ZNF141: variants seen among roughly 807,000 people sequenced by gnomAD.
ZNF141 encodes zinc finger protein 141 (clone pHZ-44).
ZNF141 carries 7 observed loss-of-function variants against 11.3 expected under a neutral mutation model. The observed-to-expected ratio is 0.62, with a 90% CI of 0.35 to 1.16. ZNF141 has a LOEUF of 1.16. Among genes scored for constraint, ZNF141 ranks in the 50% most tolerant of loss-of-function variants. The pLI, the probability that ZNF141 is intolerant of heterozygous loss-of-function variation, is 0.02. For synonymous variants in ZNF141, 183 were observed against 190.7 expected (o/e 0.96, Z 0.33); for missense variants, 535 against 554.0 (o/e 0.97, Z 0.34).
At chr4:369,764 A>ATGTTTTTTTTT in intron 3 of ZNF141, among the ~76,000 whole-genome samples, 2 of 48,738 alleles carry the variant, frequency 4.1e-5, no homozygotes, top group Non-Finnish European at 6.2e-5. Flanking sequence ...ATATATATAT[A>ATGTTTTTTTTT]TTTTTTTTTT....
intron 3 of ZNF141, among the ~76,000 whole-genome samples, chr4:365,447 C>T (rs988972080): frequency 1.3e-5 from 2 of 152,148 alleles, no homozygotes; most frequent in Non-Finnish European, 2.9e-5. Flanking sequence ...AAACCAGAGC[C>T]GTTCCTATTC....
intron 1 of ZNF141, chr4:343,015 CCTT>C: frequency 1.5e-6 from 1 of 662,342 alleles, no homozygotes; most frequent in Non-Finnish European, 2.2e-6. Flanking sequence ...TAAAAAAGTT[CCTT>C]GCATGATTAA....
intron 3 of ZNF141, among the ~76,000 whole-genome samples, chr4:355,336 G>C (rs782344832): frequency 2.0e-5 from 3 of 152,006 alleles, no homozygotes; most frequent in Non-Finnish European, 4.4e-5. Flanking sequence ...CTCCCTAGTA[G>C]CTGGGATTAC....
chr4:373,925 C>A lies in ZNF141; in HGVS notation c.*63C>A. On this transcript the variant is annotated 3_prime_UTR_variant, in exon 4 of 4. Transcript: ENST00000240499. The stretch of plus-strand genomic sequence containing the variant: ...TGGATGATCCACAAACCTTAATGAA[C>A]ATGAGAAAATTTATACTGTAGAGAA... 1 of 1,412,218 alleles carries A rather than the reference C, an allele frequency of 7.1e-7. No individual in the cohort carries two copies. The highest frequency in any genetic ancestry group is 9.7e-7 in the Non-Finnish European group (1 of 1,032,812). 87.5% of individuals were successfully genotyped at this position (1,412,218 alleles called of 1,614,324 possible). A position where few individuals can be genotyped will look rare whatever the true frequency, so the allele number is the denominator to read the frequency against.
rs117022595 is a variant in ZNF141 at position 379,161 on chromosome 4, C to G, written c.*5299C>G. Among the ~76,000 whole-genome samples the G allele has an allele frequency of 7.3e-3, 1,111 of 152,098 alleles. 11 individuals are homozygous for G. Among genetic ancestry groups the G allele is most frequent in the Middle Eastern group, 0.072 (21 of 292 alleles). The stretch of plus-strand genomic sequence containing the variant: ...CCCAGCCTCTCAGTGATTTTTGATG[C>G]AAATTCATTTACTGTGTTCACGAAG... On this transcript the variant is annotated 3_prime_UTR_variant, in exon 4 of 4. Coordinates refer to ENST00000240499, the MANE Select transcript of ZNF141 (RefSeq NM_003441.4).
In ZNF141 at chr4:365,892, G is replaced by C. The variant is rs568004368; in HGVS notation, c.227-6772G>C. 6.6e-5 allele frequency among the ~76,000 whole-genome samples: 10 copies of C among 152,274 alleles called. No individual in the cohort carries two copies. In the East Asian group the frequency reaches 1.2e-3, roughly 18 times the overall value. ...TTTTCCTAGCACCAATTATTGAAAA[G>C]ACTGTCTTTTTCCAAATGTGTGTTC... On this transcript the variant is annotated intron_variant, in intron 3 of 3. Coordinates refer to ENST00000240499, the MANE Select transcript of ZNF141 (RefSeq NM_003441.4).
intron 3 of ZNF141, among the ~76,000 whole-genome samples, chr4:368,827 T>C (rs1291000740): frequency 6.6e-6 from 1 of 152,130 alleles, no homozygotes; most frequent in Non-Finnish European, 1.5e-5. Flanking sequence ...TTGTTACTCT[T>C]TTTGAAGATT....
At chr4:345,953 G>T (rs1432072152) in intron 3 of ZNF141, among the ~76,000 whole-genome samples, 2 of 152,050 alleles carry the variant, frequency 1.3e-5, no homozygotes, top group East Asian at 3.8e-4. Flanking sequence ...GCTCTCAATT[G>T]TTCTCTTATT....
intron 3 of ZNF141, chr4:350,399 C>T: frequency 5.9e-6 from 2 of 336,546 alleles, no homozygotes; most frequent in South Asian, 4.6e-5. Context: ...CGTCTTATTT[C>T]ACTAAAATAA....
At chr4:350,006 C>CTGCT (rs3037605) in intron 3 of ZNF141, among the ~76,000 whole-genome samples, 65,520 of 151,614 alleles carry the variant, frequency 0.43, 14,710 homozygotes, top group African/African-American at 0.56. Context: ...AGTCACAGGG[C>CTGCT]TCAGGAGCAC....
At chr4:350,135 G>A (rs782664948) in intron 3 of ZNF141, 2 of 534,340 alleles carry the variant, frequency 3.7e-6, no homozygotes, top group East Asian at 5.4e-5. Context: ...ATTTGAGAGA[G>A]GTTACAGAAC....
chr4:363,783 A>G lies in ZNF141; in HGVS notation c.227-8881A>G, dbSNP rs539302663. On this transcript the variant is annotated intron_variant, in intron 3 of 3. Transcript: ENST00000240499. ...CAAAAAAAAAAAAAGGCGGGGGGGAATGCTTCTAGTTTTTGCCCATTTAGT... is the reference window on the plus strand; with the variant it reads ...CAAAAAAAAAAAAAGGCGGGGGGGAGTGCTTCTAGTTTTTGCCCATTTAGT... 2.7e-5 allele frequency among the ~76,000 whole-genome samples: 4 copies of G among 150,612 alleles called. No homozygotes were observed. In the South Asian group the frequency reaches 6.3e-4, roughly 24 times the overall value.
Position 377,235 on chromosome 4 carries a change from T to C in ZNF141, c.*3373T>C, listed in dbSNP as rs1465461003. 6.6e-6 allele frequency among the ~76,000 whole-genome samples: 1 copy of C among 152,194 alleles called. No individual in the cohort carries two copies. The highest frequency in any genetic ancestry group is 1.5e-5 in the Non-Finnish European group (1 of 68,024). ...AAACTTTGTCAGTCATGGGGATGTTTTGATCTATTATTGTAGTGAACAAAC... is the reference window on the plus strand; with the variant it reads ...AAACTTTGTCAGTCATGGGGATGTTCTGATCTATTATTGTAGTGAACAAAC... On this transcript the variant is annotated 3_prime_UTR_variant, in exon 4 of 4. Transcript: ENST00000240499.
chr4:375,168 T>TA lies in ZNF141; in HGVS notation c.*1311dup, dbSNP rs554501309. The TA allele has an allele frequency of 2.0e-5, 3 of 152,130 alleles. No homozygotes were observed. Among genetic ancestry groups the TA allele is most frequent in the Non-Finnish European group, 4.4e-5 (3 of 67,984 alleles). 9.4% of individuals were successfully genotyped at this position (152,130 alleles called of 1,614,324 possible). A position where few individuals can be genotyped will look rare whatever the true frequency, so the allele number is the denominator to read the frequency against. ...ACTAACTAGCAATGTTCATACTTAA[T>TA]AAAAACATTATAAATGTAATTTCTG... On this transcript the variant is annotated 3_prime_UTR_variant, in exon 4 of 4. Coordinates refer to ENST00000240499, the MANE Select transcript of ZNF141 (RefSeq NM_003441.4).
In ZNF141 at chr4:373,785, C is replaced by T. The variant is rs1245649484; in HGVS notation, c.1348C>T (p.Pro450Ser). 1.9e-6 allele frequency: 3 copies of T among 1,613,946 alleles called. No individual in the cohort carries two copies. Among genetic ancestry groups the T allele is most frequent in the Non-Finnish European group, 2.5e-6 (3 of 1,179,972 alleles). The change falls in exon 4 of 4, where the codon CCC becomes TCC. Residue 450 changes from proline (P) to serine (S), a missense_variant. By Grantham distance (74) the Pro-to-Ser change is moderately conservative (BLOSUM62 -1). Transcript: ENST00000240499. ...QHKKIHTVDKPYKCKDCDKAF... is the reference protein window; with the variant it reads ...QHKKIHTVDKSYKCKDCDKAF... The stretch of plus-strand genomic sequence containing the variant: ...TAAGAAAATTCATACTGTAGATAAA[C>T]CCTACAAATGTAAAGATTGTGACAA...
intron 3 of ZNF141, among the ~76,000 whole-genome samples, chr4:366,165 GA>G (rs1203264364): frequency 2.6e-5 from 4 of 152,134 alleles, no homozygotes; most frequent in African/African-American, 9.7e-5. Context: ...CCATTGCTGT[GA>G]AAAAAGTCTT....
intron 3 of ZNF141, among the ~76,000 whole-genome samples, chr4:346,893 A>ACACACACACACACACC (rs373224939): frequency 7.4e-6 from 1 of 135,440 alleles, no homozygotes; most frequent in African/African-American, 3.2e-5. Context: ...ACACACACAC[A>ACACACACACACACACC]CCGCCCCCCC....
rs782279242 is a variant in ZNF141 at position 372,828 on chromosome 4, A to C, written c.391A>C (p.Asn131His). Residue 131 changes from asparagine to histidine, a missense_variant, in exon 4 of 4, where the codon AAT (asparagine) becomes CAT (histidine). By Grantham distance (68) the Asn-to-His change is moderately conservative. Transcript: ENST00000240499. The part of the protein sequence containing the change: ...NECKLQKGGY[N>H]EFNECLSTTQ... The stretch of plus-strand genomic sequence containing the variant: ...GTGTAAGTTGCAGAAAGGAGGTTAT[A>C]ATGAATTTAATGAATGCTTGTCAAC... 4.3e-6 allele frequency: 7 copies of C among 1,613,068 alleles called. No individual in the cohort carries two copies. In the Admixed American group the frequency reaches 6.7e-5, roughly 15 times the overall value.
chr4:352,740 C>T (rs909908654), intron 3 of ZNF141, among the ~76,000 whole-genome samples: 1 of 152,188 alleles, frequency 6.6e-6, no homozygotes, highest in Non-Finnish European at 1.5e-5. Context: ...TTGTCCTATA[C>T]ATTTTTTCCC....
Sources: gnomAD v4.1 joint callset for allele counts (sites outside exome capture counted in the v4.1 genomes callset) on GRCh38, gnomAD v4.1.1 for gene constraint, MANE v1.5 for transcripts, NCBI Gene and HGNC (gene_info 2026-07-23, HGNC 2026-07-21) for gene names.